The following CUX2 variants were observed in gnomAD, a reference collection of about 807,000 sequenced individuals.
CUX2 encodes cut like homeobox 2.
In CUX2, 40 loss-of-function variants were observed where a neutral mutation model predicts 144.8. The ratio of observed to expected loss-of-function variants is 0.28; its 90% CI spans 0.21 to 0.36. The LOEUF is 0.36. Among genes scored for constraint, CUX2 ranks in the 10% least tolerant of loss-of-function variants. The pLI is 1.00. For synonymous variants in CUX2, 827 were observed against 875.6 expected, an observed-to-expected ratio of 0.94 and a Z score of 0.98; for missense variants, 1,615 against 1,994.0, an observed-to-expected ratio of 0.81 and a Z score of 3.62.
chr12:111,194,172 G>C (rs1880085702), intron 1 of CUX2, among the ~76,000 whole-genome samples: 1 of 152,160 alleles, frequency 6.6e-6, no homozygotes, highest in Admixed American at 6.5e-5. Flanking sequence ...CCTCAGCTGT[G>C]TGACCTTAGG....
Position 111,320,781 on chromosome 12 carries a change from T to G in CUX2, c.2766+6T>G. The stretch of plus-strand genomic sequence containing the variant: ...AGAGGATCTTCGGGGAGAAGGTGAG[T>G]GCAGGGCGGGCCCCCGGTGTCTGGG... On this transcript the variant is annotated splice_donor_region_variant and intron_variant, in intron 17 of 21. Transcript: ENST00000261726. This position sits in a 1 kb window ranked among gnomAD's most constrained non-coding sequence, Gnocchi z 8.1. The G allele has an allele frequency of 6.6e-7, 1 of 1,519,246 alleles. No individual in the cohort carries two copies. The highest frequency in any genetic ancestry group is 8.8e-7 in the Non-Finnish European group (1 of 1,137,776). 94.1% of individuals were successfully genotyped at this position (1,519,246 alleles called of 1,614,324 possible).
intron 19 of CUX2, 103 bp from the exon 20 acceptor site, chr12:111,338,183 T>C (rs1398115769): frequency 7.9e-7 from 1 of 1,272,378 alleles, no homozygotes; most frequent in Non-Finnish European, 1.1e-6. Context: ...GGAGATAGCC[T>C]CGAGGCTCTC....
At chr12:111,131,794 C>T (rs1332207504) in intron 1 of CUX2, among the ~76,000 whole-genome samples, 1 of 152,206 alleles carries the variant, frequency 6.6e-6, no homozygotes, top group Non-Finnish European at 1.5e-5. Flanking sequence ...GATGGCTTCC[C>T]ATGGTCTTGG....
intron 1 of CUX2, among the ~76,000 whole-genome samples, chr12:111,056,471 G>A (rs1870533883): frequency 6.6e-6 from 1 of 152,196 alleles, no homozygotes; most frequent in African/African-American, 2.4e-5. Flanking sequence ...AGCTACCTGT[G>A]GGAACCCCAG....
rs79267801 is a variant in CUX2, at chr12:111,115,241, C to T, written c.63+81001C>T. Among the ~76,000 whole-genome samples the T allele has an allele frequency of 7.2e-3, 1,053 of 146,898 alleles. 10 individuals are homozygous for T. Among genetic ancestry groups the T allele is most frequent in the African/African-American group, 0.025 (1,008 of 39,994 alleles). On this transcript the variant is annotated intron_variant, in intron 1 of 21. Transcript: ENST00000261726. ...CCTGCTGGTATTTTGATTGACATTGCGTTGAATCTGTAGATCAATTTGGAG... is the reference window on the plus strand; with the variant it reads ...CCTGCTGGTATTTTGATTGACATTGTGTTGAATCTGTAGATCAATTTGGAG...
chr12:111,185,342 T>A (rs1008893177), intron 1 of CUX2, among the ~76,000 whole-genome samples: 2 of 152,206 alleles, frequency 1.3e-5, no homozygotes, highest in Admixed American at 6.5e-5. Context: ...TGAAGTCAAA[T>A]TTGGAAGCAA....
In CUX2 at chr12:111,312,103, G is replaced by A; in HGVS notation, c.1904G>A (p.Ser635Asn). Residue 635 changes from serine (S) to asparagine (N), a missense_variant, in exon 16 of 22, where the codon AGC becomes AAC. This residue lies in a region of CUX2 where 71 missense variants were observed against 142.3 expected (regional missense o/e 0.50). Transcript: ENST00000261726. This position sits in a 1 kb window ranked among gnomAD's most constrained non-coding sequence, Gnocchi z 4.3. Reference protein sequence around the residue: ...LRTIQVRQRGSITPRIRTPET... With the variant: ...LRTIQVRQRGNITPRIRTPET... The stretch of plus-strand genomic sequence containing the variant: ...AGATGCCTTCTTGCCTCCCCAGGCA[G>A]CATCACCCCGAGAATCCGCACGCCT... The A allele has an allele frequency of 6.2e-7, 1 of 1,608,562 alleles. No homozygotes were observed. Among genetic ancestry groups the A allele is most frequent in the Non-Finnish European group, 8.5e-7 (1 of 1,175,816 alleles).
chr12:111,319,975 C>T (rs1887425423), intron 16 of CUX2, 37 bp from the exon 17 acceptor site: 2 of 1,441,032 alleles, frequency 1.4e-6, no homozygotes, highest in South Asian at 1.4e-5. Flanking sequence ...CGAGCCCTGA[C>T]CCTGGGCCTC....
intron 1 of CUX2, among the ~76,000 whole-genome samples, chr12:111,128,569 G>GC (rs1203893705): frequency 6.6e-6 from 1 of 152,130 alleles, no homozygotes; most frequent in Non-Finnish European, 1.5e-5. Flanking sequence ...TGCTGTGCAT[G>GC]CCCCCCTTTA....
intron 1 of CUX2, among the ~76,000 whole-genome samples, chr12:111,182,663 G>A (rs1194686022): frequency 2.0e-5 from 3 of 152,198 alleles, no homozygotes; most frequent in African/African-American, 7.2e-5. Context: ...GTCATCGTTG[G>A]GGATGGAGAA....
At chr12:111,224,988 C>CTCCG (rs1220759190) in intron 3 of CUX2, among the ~76,000 whole-genome samples, 2 of 152,162 alleles carry the variant, frequency 1.3e-5, no homozygotes, top group Non-Finnish European at 1.5e-5. Context: ...TCACTGCAAC[C>CTCCG]TCCGCCTCCC....
At chr12:111,056,271 C>A (rs1217777644) in intron 1 of CUX2, among the ~76,000 whole-genome samples, 1 of 152,296 alleles carries the variant, frequency 6.6e-6, no homozygotes, top group South Asian at 2.1e-4. Context: ...AGCAAGCCAC[C>A]CCAAACTTAG....
chr12:111,189,034 C>T (rs1056831578), intron 1 of CUX2, among the ~76,000 whole-genome samples: 3 of 152,154 alleles, frequency 2.0e-5, no homozygotes, highest in Non-Finnish European at 2.9e-5. Context: ...AATCCCAACA[C>T]TTTGGGAGGC....
rs922112638 is a variant in CUX2 at position 111,178,373 on chromosome 12, G to T, written c.64-35827G>T. On this transcript the variant is annotated intron_variant, in intron 1 of 21. Transcript: ENST00000261726. This position sits in a 1 kb window ranked among gnomAD's most constrained non-coding sequence, Gnocchi z 5.7. The stretch of plus-strand genomic sequence containing the variant: ...ATCTGTATTTTGGGCAGACAGCCCT[G>T]TGGTCTGGCAGGAATATAATTTGCT... Among the ~76,000 whole-genome samples the T allele has an allele frequency of 6.6e-6, 1 of 152,248 alleles. No homozygotes were observed. Among genetic ancestry groups the T allele is most frequent in the African/African-American group, 2.4e-5 (1 of 41,466 alleles).
intron 3 of CUX2, among the ~76,000 whole-genome samples, chr12:111,230,898 A>C (rs1882432649): frequency 1.3e-5 from 2 of 152,206 alleles, no homozygotes; most frequent in African/African-American, 4.8e-5. Context: ...AGAGATGTGC[A>C]GAACATTATA....
intron 1 of CUX2, among the ~76,000 whole-genome samples, chr12:111,036,468 TG>T (rs1869452254): frequency 6.6e-6 from 1 of 152,196 alleles, no homozygotes; most frequent in Non-Finnish European, 1.5e-5. Context: ...TGATTCCAGC[TG>T]GACGCCCATT....
At chr12:111,097,559 T>C (rs1160883079) in intron 1 of CUX2, among the ~76,000 whole-genome samples, 2 of 152,146 alleles carry the variant, frequency 1.3e-5, no homozygotes, top group Non-Finnish European at 2.9e-5. Flanking sequence ...CTAATACATA[T>C]TCATGTGCCT....
chr12:111,128,510 C>G (rs758001533), intron 1 of CUX2, among the ~76,000 whole-genome samples: 22 of 152,180 alleles, frequency 1.4e-4, no homozygotes, highest in Non-Finnish European at 2.4e-4. Context: ...CCTTCAGGGC[C>G]TGCTTGGGCC....
chr12:111,198,544 G>A (rs979179828), intron 1 of CUX2, among the ~76,000 whole-genome samples: 1 of 152,070 alleles, frequency 6.6e-6, no homozygotes, highest in African/African-American at 2.4e-5. Context: ...CTATGGAGGT[G>A]AACAAAACAG....
Sources: gnomAD v4.1 joint callset for allele counts (sites outside exome capture counted in the v4.1 genomes callset) on GRCh38, gnomAD v4.1.1 for gene constraint, gnomAD v4.1.1 regional missense constraint, Gnocchi (gnomAD v3.1) non-coding constraint, MANE v1.5 for transcripts, NCBI Gene and HGNC (gene_info 2026-07-23, HGNC 2026-07-21) for gene names.